PCM1: variants seen among roughly 807,000 people sequenced by gnomAD.
The protein encoded by PCM1 is pericentriolar material 1.
Under a neutral mutation model 241.9 loss-of-function variants are expected in PCM1, and 157 were observed. The observed-to-expected ratio is 0.65, with a 90% CI of 0.57 to 0.74. The LOEUF (loss-of-function observed/expected upper bound fraction) is 0.74. PCM1 is among the 30% of genes least tolerant of loss of function. The pLI is 0.00. For synonymous variants in PCM1, 1,085 were observed against 784.9 expected, an observed-to-expected ratio of 1.38 and a Z score of -6.39; for missense variants, 3,478 against 2,360.1, an observed-to-expected ratio of 1.47 and a Z score of -9.81.
Position 18,006,260 on chromosome 8 carries a change from C to T in PCM1, c.4828-3C>T. ...TATTCTAACCAACTAGGATTTTTCT[C>T]AGGAGCACATGGATGAAGTATGCTC... On this transcript the variant is annotated splice_region_variant and splice_polypyrimidine_tract_variant and intron_variant, in intron 29 of 38. Coordinates refer to ENST00000325083, the MANE Select transcript of PCM1 (RefSeq NM_006197.4). 1 of 1,596,132 alleles carries T rather than the reference C, an allele frequency of 6.3e-7. No individual in the cohort carries two copies. Among genetic ancestry groups the T allele is most frequent in the East Asian group, 2.2e-5 (1 of 44,630 alleles).
At position 18,027,655 on chromosome 8, in the gene PCM1, G is replaced by C; in HGVS notation, c.6068G>C (p.Ser2023Thr). Residue 2023 changes from serine to threonine, a missense_variant, in exon 39 of 39, where the codon AGT (serine) becomes ACT (threonine). Physicochemically the swap from Ser to Thr is moderately conservative, Grantham distance 58. Coordinates refer to ENST00000325083, the MANE Select transcript of PCM1 (RefSeq NM_006197.4). ...TTTTCAGAAACGGTGGGAGCCCAGA[G>C]TATATGAGATGTCTTCAGAGGCTCA... ...LKEPETVGAQ[S>T]I is the part of the protein sequence containing the mutation. 1 of 1,586,864 alleles carries C rather than the reference G, an allele frequency of 6.3e-7. No homozygotes were observed. Among genetic ancestry groups the C allele is most frequent in the Non-Finnish European group, 8.6e-7 (1 of 1,161,166 alleles).
intron 26 of PCM1, among the ~76,000 whole-genome samples, chr8:17,986,881 G>A (rs1280750779): frequency 6.6e-6 from 1 of 151,856 alleles, no homozygotes; most frequent in Non-Finnish European, 1.5e-5. Flanking sequence ...TAGGTAGAGA[G>A]TTGGAATTTA....
intron 36 of PCM1, among the ~76,000 whole-genome samples, chr8:18,018,846 GTGTGTGTA>G (rs1211313480): frequency 5.0e-5 from 3 of 60,036 alleles, no homozygotes; most frequent in Non-Finnish European, 7.5e-5. Flanking sequence ...ATATGTGTGT[GTGTGTGTA>G]TATATATATA....
At chr8:17,986,785 G>A (rs1287784466) in intron 26 of PCM1, among the ~76,000 whole-genome samples, 1 of 151,814 alleles carries the variant, frequency 6.6e-6, no homozygotes, top group Non-Finnish European at 1.5e-5. Context: ...TCGTGGGATA[G>A]CAAATACATT....
In PCM1 at chr8:18,002,867, T is replaced by G. The variant is rs375562871; in HGVS notation, c.4828-3396T>G. Among the ~76,000 whole-genome samples, 7 of 150,948 alleles carry G rather than the reference T, an allele frequency of 4.6e-5. No homozygotes were observed. In the East Asian group the frequency reaches 1.4e-3, roughly 29 times the overall value. On this transcript the variant is annotated intron_variant, in intron 29 of 38. Coordinates refer to ENST00000325083, the MANE Select transcript of PCM1 (RefSeq NM_006197.4). ...TTCATGTGTTTTTTGGCTGCATAAATGTCTTCTTTTGAGAAGTGTCTGTTC... is the reference window on the plus strand; with the variant it reads ...TTCATGTGTTTTTTGGCTGCATAAAGGTCTTCTTTTGAGAAGTGTCTGTTC...
chr8:17,938,645 C>G, intron 4 of PCM1, 95 bp from the exon 5 acceptor site: 2 of 819,866 alleles, frequency 2.4e-6, no homozygotes, highest in Middle Eastern at 3.2e-4. Context: ...CCTTCTGAAT[C>G]AATATCTGAT....
intron 2 of PCM1, among the ~76,000 whole-genome samples, chr8:17,929,752 G>A (rs1459295002): frequency 6.6e-6 from 1 of 152,100 alleles, no homozygotes; most frequent in Non-Finnish European, 1.5e-5. Context: ...CTGAAACTGT[G>A]GGTAGTACCA....
intron 34 of PCM1, 41 bp from the exon 35 acceptor site, chr8:18,013,923 T>C (rs1188609585): frequency 8.3e-7 from 1 of 1,205,032 alleles, no homozygotes; most frequent in Non-Finnish European, 1.2e-6. Context: ...ATAGTGACCA[T>C]ATATTTCAGG....
intron 6 of PCM1, 25 bp downstream of exon 6, chr8:17,939,886 CATATT>C: frequency 7.5e-7 from 1 of 1,338,372 alleles, no homozygotes; most frequent in South Asian, 1.3e-5. Flanking sequence ...TTTAAAATAA[CATATT>C]ATTTTTGTAG....
At chr8:17,933,574 C>T (rs1437487799) in intron 2 of PCM1, among the ~76,000 whole-genome samples, 2 of 152,132 alleles carry the variant, frequency 1.3e-5, no homozygotes, top group Non-Finnish European at 2.9e-5. Context: ...TACTTATTCA[C>T]ATTTTTTCTC....
chr8:18,014,514 TTATTAGTA>T, intron 35 of PCM1, 62 bp from the exon 36 acceptor site: 1 of 1,263,110 alleles, frequency 7.9e-7, no homozygotes, highest in Middle Eastern at 2.0e-4. Context: ...CGTATTGTCT[TTATTAGTA>T]TAATAGTAAA....
At chr8:18,003,069 C>T (rs896582821) in intron 29 of PCM1, among the ~76,000 whole-genome samples, 1 of 152,180 alleles carries the variant, frequency 6.6e-6, no homozygotes, top group Non-Finnish European at 1.5e-5. Flanking sequence ...GCTGAGTAAA[C>T]CTCTGCCTTA....
At chr8:17,964,832 A>G (rs1281865278) in intron 18 of PCM1, 64 bp downstream of exon 18, 4 of 1,230,050 alleles carry the variant, frequency 3.3e-6, no homozygotes, top group East Asian at 2.3e-5. Flanking sequence ...GACTGACAGC[A>G]AGCACTTCTG....
chr8:18,007,253 T>A (rs2091584829), intron 30 of PCM1, among the ~76,000 whole-genome samples: 1 of 152,218 alleles, frequency 6.6e-6, no homozygotes, highest in Admixed American at 6.5e-5. Context: ...GCTTCTTATT[T>A]CTGTGTTTAA....
At chr8:17,998,422 A>G (rs916980143) in intron 29 of PCM1, among the ~76,000 whole-genome samples, 1 of 152,186 alleles carries the variant, frequency 6.6e-6, no homozygotes, top group African/African-American at 2.4e-5. Flanking sequence ...ATAGCGGTAT[A>G]CCACTTTGGT....
In PCM1 at chr8:17,966,976, G is replaced by A; in HGVS notation, c.3222-4G>A. 1 of 1,594,952 alleles carries A rather than the reference G, an allele frequency of 6.3e-7. No individual in the cohort carries two copies. The highest frequency in any genetic ancestry group is 2.3e-5 in the East Asian group (1 of 44,318). On this transcript the variant is annotated splice_region_variant and splice_polypyrimidine_tract_variant and intron_variant, in intron 20 of 38. Transcript: ENST00000325083. Reference sequence around the variant, plus strand: ...TCTTAGATTACTGACTTAAATCTTTGTAGGTTGAAACAAATGCTAAATGAA... The same window carrying A: ...TCTTAGATTACTGACTTAAATCTTTATAGGTTGAAACAAATGCTAAATGAA...
intron 36 of PCM1, among the ~76,000 whole-genome samples, chr8:18,023,599 AAAGATCTTAATAAATCAG>A (rs1288720968): frequency 1.3e-5 from 2 of 152,208 alleles, no homozygotes; most frequent in African/African-American, 2.4e-5. Flanking sequence ...CCCAAATTTA[AAAGATCTTAATAAATCAG>A]AATTTTTTTT....
chr8:17,952,200 G>T (rs2066288660), intron 8 of PCM1, among the ~76,000 whole-genome samples: 1 of 149,682 alleles, frequency 6.7e-6, no homozygotes, highest in Non-Finnish European at 1.5e-5. Flanking sequence ...TCTAGCCTGG[G>T]CCACAGAGTG....
At chr8:17,929,474 C>T (rs1039948803) in intron 2 of PCM1, among the ~76,000 whole-genome samples, 2 of 152,158 alleles carry the variant, frequency 1.3e-5, no homozygotes, top group African/African-American at 4.8e-5. Flanking sequence ...TATTTGTCAA[C>T]CGGACAATTT....
Sources: gnomAD v4.1 joint callset for allele counts (sites outside exome capture counted in the v4.1 genomes callset) on GRCh38, gnomAD v4.1.1 for gene constraint, MANE v1.5 for transcripts, NCBI Gene and HGNC (gene_info 2026-07-23, HGNC 2026-07-21) for gene names.